Variants in KLHL29 observed in about 807,000 individuals in gnomAD.
KLHL29 encodes kelch like family member 29.
A neutral mutation model predicts 80.4 loss-of-function variants in KLHL29; 21 were observed. That is an observed-to-expected ratio of 0.26 (90% confidence interval 0.19 to 0.38). The LOEUF (loss-of-function observed/expected upper bound fraction) is 0.38, where lower values mean the gene tolerates loss of function less well. Ranked by LOEUF, KLHL29 falls within the 10% of genes least tolerant of loss-of-function variation. The pLI, the probability that KLHL29 is intolerant of heterozygous loss-of-function variation, is 1.00. For synonymous variants in KLHL29, 511 were observed against 526.8 expected, an observed-to-expected ratio of 0.97 and a Z score of 0.41; for missense variants, 867 against 1,223.9, an observed-to-expected ratio of 0.71 and a Z score of 4.35.
intron 3 of KLHL29, among the ~76,000 whole-genome samples, chr2:23,631,880 A>G (rs776364446): frequency 6.6e-6 from 1 of 152,138 alleles, no homozygotes; most frequent in African/African-American, 2.4e-5. Flanking sequence ...TCTCCCAATC[A>G]GGTCCTGATG....
chr2:23,706,455 ACT>A, intron 13 of KLHL29, 24 bp from the exon 14 acceptor site: 1 of 1,446,190 alleles, frequency 6.9e-7, no homozygotes, highest in Non-Finnish European at 9.1e-7. Flanking sequence ...GAAATGCCTA[ACT>A]CTGTCCCCGC....
chr2:23,634,708 A>G (rs1260643556), intron 3 of KLHL29, among the ~76,000 whole-genome samples: 1 of 152,166 alleles, frequency 6.6e-6, no homozygotes, highest in Non-Finnish European at 1.5e-5. Flanking sequence ...GGCAGCCTCC[A>G]GCAGCATCCA....
chr2:23,524,360 G>GCGA, intron 2 of KLHL29: 3 of 186,780 alleles, frequency 1.6e-5, no homozygotes, highest in South Asian at 1.1e-4. Flanking sequence ...GAAGTAGCAG[G>GCGA]CCAGGAAATA....
At chr2:23,494,801 CTCCCTGCTT>C (rs1199646069) in intron 2 of KLHL29, among the ~76,000 whole-genome samples, 1 of 152,198 alleles carries the variant, frequency 6.6e-6, no homozygotes, top group Non-Finnish European at 1.5e-5. Flanking sequence ...TCTTGGTCCT[CTCCCTGCTT>C]TCCGGGCTCC....
intron 1 of KLHL29, among the ~76,000 whole-genome samples, chr2:23,445,444 G>A (rs1006760339): frequency 6.6e-6 from 1 of 152,164 alleles, no homozygotes; most frequent in Admixed American, 6.5e-5. Context: ...AGCCCTTCAA[G>A]GCCATCCTCT....
intron 3 of KLHL29, among the ~76,000 whole-genome samples, chr2:23,582,441 G>C (rs898325980): frequency 6.6e-6 from 1 of 152,180 alleles, no homozygotes; most frequent in Non-Finnish European, 1.5e-5. Context: ...TGGAGGATGG[G>C]GATGGTGAGA....
intron 1 of KLHL29, among the ~76,000 whole-genome samples, chr2:23,450,973 C>T (rs1183821928): frequency 6.6e-6 from 1 of 152,198 alleles, no homozygotes; most frequent in Middle Eastern, 3.2e-3. Flanking sequence ...AGATTTCTGA[C>T]AGATCCACTT....
At chr2:23,432,120 A>G (rs1023711942) in intron 1 of KLHL29, among the ~76,000 whole-genome samples, 1 of 152,158 alleles carries the variant, frequency 6.6e-6, no homozygotes, top group African/African-American at 2.4e-5. Flanking sequence ...TAAACACGCT[A>G]TTTAGTGCTA....
At chr2:23,592,100 G>A (rs1456521381) in intron 3 of KLHL29, among the ~76,000 whole-genome samples, 3 of 152,240 alleles carry the variant, frequency 2.0e-5, no homozygotes, top group African/African-American at 7.2e-5. Context: ...GAAGCGGGCT[G>A]CACCCACTCA....
chr2:23,567,646 G>A (rs892337826), intron 3 of KLHL29, among the ~76,000 whole-genome samples: 9 of 152,208 alleles, frequency 5.9e-5, no homozygotes, highest in African/African-American at 9.6e-5. Flanking sequence ...GTGAGTGACC[G>A]CAGGGCCAAT....
chr2:23,616,453 C>G (rs2149140612), intron 3 of KLHL29: 1 of 152,274 alleles, frequency 6.6e-6, no homozygotes, highest in Admixed American at 6.5e-5. Flanking sequence ...TAAATGTTGT[C>G]CTCGCCCCGC....
chr2:23,507,965 C>T (rs1665652076), intron 2 of KLHL29, among the ~76,000 whole-genome samples: 1 of 152,220 alleles, frequency 6.6e-6, no homozygotes, highest in Admixed American at 6.5e-5. Flanking sequence ...ATTTTAGACA[C>T]TCAGACTGGA....
chr2:23,423,995 G>A (rs1490922732), intron 1 of KLHL29, among the ~76,000 whole-genome samples: 3 of 152,162 alleles, frequency 2.0e-5, no homozygotes, highest in East Asian at 3.8e-4. Context: ...CTGCCCAGCT[G>A]TCCACCTGTC....
intron 3 of KLHL29, among the ~76,000 whole-genome samples, chr2:23,566,797 C>T (rs1667599732): frequency 6.6e-6 from 1 of 152,230 alleles, no homozygotes; most frequent in Non-Finnish European, 1.5e-5. Context: ...AATTAATATG[C>T]ATAGAAAAGC....
chr2:23,523,982 G>A (rs1325933166), intron 2 of KLHL29: 5 of 471,532 alleles, frequency 1.1e-5, no homozygotes, highest in Non-Finnish European at 1.8e-5. Flanking sequence ...GCGTCTTTCG[G>A]GAGCTTGCCT....
intron 3 of KLHL29, among the ~76,000 whole-genome samples, chr2:23,570,501 T>C (rs1300240958): frequency 6.6e-6 from 1 of 152,170 alleles, no homozygotes; most frequent in Non-Finnish European, 1.5e-5. Flanking sequence ...CCAGTTAAGT[T>C]TGTGGTTCTC....
intron 2 of KLHL29, among the ~76,000 whole-genome samples, chr2:23,555,839 G>C (rs535863660): frequency 2.0e-5 from 3 of 152,238 alleles, no homozygotes; most frequent in Non-Finnish European, 4.4e-5. Context: ...GAGATGATCC[G>C]AATTGTGAGG....
chr2:23,638,686 T>C (rs1669683372), intron 3 of KLHL29, among the ~76,000 whole-genome samples: 1 of 152,210 alleles, frequency 6.6e-6, no homozygotes, highest in South Asian at 2.1e-4. Flanking sequence ...CTCTCCCATG[T>C]CCAAGAGCCA....
In KLHL29 at chr2:23,536,918, A is replaced by ACACACACACACACTCTCT. The variant is rs143009876; in HGVS notation, c.-45-25233_-45-25232insACACACACACACTCTCTC. 8.0e-3 allele frequency among the ~76,000 whole-genome samples: 1,130 copies of ACACACACACACACTCTCT among 140,708 alleles called. 27 individuals are homozygous for ACACACACACACACTCTCT. Among genetic ancestry groups the ACACACACACACACTCTCT allele is most frequent in the African/African-American group, 0.028 (1,039 of 36,978 alleles). The allele number at this position is 140,708 out of a possible 152,430, so 92.3% of individuals were successfully genotyped here. On this transcript the variant is annotated intron_variant, in intron 2 of 13. Transcript: ENST00000486442. ...CACACACACACACACACACACACAC[A>ACACACACACACACTCTCT]CTCTCTCTCTCCCTCTCTCGCTCTC...
Sources: gnomAD v4.1 joint callset for allele counts (sites outside exome capture counted in the v4.1 genomes callset) on GRCh38, gnomAD v4.1.1 for gene constraint, MANE v1.5 for transcripts, NCBI Gene and HGNC (gene_info 2026-07-23, HGNC 2026-07-21) for gene names.